Variants in TSPAN7 observed in about 807,000 individuals in gnomAD.
TSPAN7 encodes tetraspanin 7.
Under a neutral mutation model 17.6 loss-of-function variants are expected in TSPAN7, and 1 was observed. The observed-to-expected ratio is 0.06, with a 90% CI of 0.02 to 0.27. TSPAN7 has a LOEUF of 0.27. TSPAN7 is among the 10% of genes least tolerant of loss of function. TSPAN7 has a pLI of 1.00. For synonymous variants in TSPAN7, 78 were observed against 79.0 expected, an observed-to-expected ratio of 0.99 and a Z score of 0.07; for missense variants, 112 against 201.7, an observed-to-expected ratio of 0.56 and a Z score of 2.69.
intron 1 of TSPAN7, among the ~76,000 whole-genome samples, chrX:38,582,884 G>A (rs1274334292): frequency 9.0e-6 from 1 of 111,295 alleles, no homozygotes. Context: ...CAGCCTCATT[G>A]ACATCCCATG....
intron 1 of TSPAN7, among the ~76,000 whole-genome samples, chrX:38,633,198 C>T (rs192299301): frequency 4.1e-4 from 46 of 112,545 alleles, no homozygotes; most frequent in African/African-American, 1.4e-3. Flanking sequence ...CTGAAGCCAA[C>T]TCAATTTAAA....
intron 1 of TSPAN7, chrX:38,646,438 G>A (rs889763851): frequency 6.5e-6 from 4 of 615,791 alleles, no homozygotes; most frequent in Admixed American, 4.0e-5. Flanking sequence ...GAAATATTAG[G>A]AGCAGTGAAT....
intron 2 of TSPAN7, among the ~76,000 whole-genome samples, chrX:38,666,824 TCTC>T (rs2069785239): frequency 1.8e-5 from 2 of 110,544 alleles, no homozygotes; most frequent in African/African-American, 3.3e-5. Context: ...ATGGTCTTGA[TCTC>T]CTGACCTCGT....
chrX:38,650,228 C>T (rs1428694396), intron 1 of TSPAN7, among the ~76,000 whole-genome samples: 1 of 112,288 alleles, frequency 8.9e-6, no homozygotes, highest in East Asian at 2.8e-4. Flanking sequence ...CTCAGGAAGC[C>T]CCTTGCTCAA....
chrX:38,641,348 T>C (rs939882080), intron 1 of TSPAN7, among the ~76,000 whole-genome samples: 1 of 112,076 alleles, frequency 8.9e-6, no homozygotes, highest in African/African-American at 3.2e-5. Flanking sequence ...TGGGAAGGCA[T>C]GTATGTTGTT....
At chrX:38,638,526 G>A (rs976458470) in intron 1 of TSPAN7, among the ~76,000 whole-genome samples, 4 of 111,671 alleles carry the variant, frequency 3.6e-5, no homozygotes, top group Non-Finnish European at 5.6e-5. Flanking sequence ...TATGTAGATC[G>A]TGGTCAAGTC....
At chrX:38,681,095 T>C (rs1569316780) in intron 5 of TSPAN7, 109 bp from the exon 6 acceptor site, 1 of 605,933 alleles carries the variant, frequency 1.7e-6, no homozygotes, top group Non-Finnish European at 2.8e-6. Context: ...GTTGCAATTG[T>C]ATTTGCTGAA....
intron 6 of TSPAN7, among the ~76,000 whole-genome samples, chrX:38,684,578 A>G (rs1186057387): frequency 9.0e-6 from 1 of 111,274 alleles, no homozygotes; most frequent in Non-Finnish European, 1.9e-5. Context: ...GGGCATGGAC[A>G]TGTTTATTGT....
At chrX:38,602,355 T>C (rs2069351174) in intron 1 of TSPAN7, among the ~76,000 whole-genome samples, 1 of 111,242 alleles carries the variant, frequency 9.0e-6, no homozygotes, top group Non-Finnish European at 1.9e-5. Context: ...TAAATATAAA[T>C]AGACTAGTCT....
chrX:38,565,746 GAGAGA>G (rs2069139407), intron 1 of TSPAN7, among the ~76,000 whole-genome samples: 2 of 112,259 alleles, frequency 1.8e-5, no homozygotes, highest in Admixed American at 1.9e-4. Context: ...ACTTTTGAAA[GAGAGA>G]TTATTGTTTT....
intron 3 of TSPAN7, 132 bp downstream of exon 3, chrX:38,671,582 C>G (rs1007343938): frequency 1.5e-6 from 1 of 650,778 alleles, no homozygotes. Context: ...TTCCAAAGAT[C>G]ATGTCATATG....
intron 1 of TSPAN7, among the ~76,000 whole-genome samples, chrX:38,613,533 C>T (rs747995169): frequency 1.9e-4 from 21 of 111,137 alleles, no homozygotes; most frequent in South Asian, 3.8e-4. Flanking sequence ...TGGGAAATAC[C>T]TATGACAATA....
intron 1 of TSPAN7, among the ~76,000 whole-genome samples, chrX:38,651,012 C>A (rs1193729836): frequency 1.9e-5 from 2 of 106,536 alleles, no homozygotes; most frequent in African/African-American, 7.0e-5. Flanking sequence ...AAACAAAGCA[C>A]TCTTTCTAGT....
chrX:38,565,517 C>G (rs1423972568), intron 1 of TSPAN7, among the ~76,000 whole-genome samples: 1 of 112,494 alleles, frequency 8.9e-6, no homozygotes, highest in Non-Finnish European at 1.9e-5. Context: ...CGTGAGCCAC[C>G]ACACCCAGCC....
intron 1 of TSPAN7, among the ~76,000 whole-genome samples, chrX:38,577,810 TAA>T (rs763408978): frequency 4.6e-4 from 44 of 96,348 alleles, no homozygotes; most frequent in Admixed American, 3.0e-3. Context: ...ACTTAAAGTA[TAA>T]AAAAAAAAAA....
intron 1 of TSPAN7, among the ~76,000 whole-genome samples, chrX:38,663,502 G>T (rs1176766540): frequency 9.0e-6 from 1 of 111,617 alleles, no homozygotes; most frequent in African/African-American, 3.3e-5. Flanking sequence ...CACCGCTAAA[G>T]AATTTATTCA....
intron 1 of TSPAN7, among the ~76,000 whole-genome samples, chrX:38,617,830 G>C (rs759940738): frequency 1.2e-4 from 13 of 112,178 alleles, no homozygotes; most frequent in Non-Finnish European, 2.1e-4. Context: ...GATCAGATGG[G>C]TGATAGTTTT....
At chrX:38,594,866 C>T (rs768737550) in intron 1 of TSPAN7, among the ~76,000 whole-genome samples, 2 of 111,220 alleles carry the variant, frequency 1.8e-5, no homozygotes, top group African/African-American at 6.5e-5. Flanking sequence ...GAGTGGGTGG[C>T]GGTGAGGACA....
intron 1 of TSPAN7, among the ~76,000 whole-genome samples, chrX:38,643,762 G>T (rs926200826): frequency 9.1e-6 from 1 of 110,358 alleles, no homozygotes; most frequent in Non-Finnish European, 1.9e-5. Flanking sequence ...GGAGAATGGC[G>T]TGAACCCAGG....
Sources: allele counts gnomAD v4.1 joint callset (sites outside exome capture counted in the v4.1 genomes callset), GRCh38; gene constraint gnomAD v4.1.1; transcripts MANE v1.5; gene names NCBI Gene and HGNC (gene_info 2026-07-23, HGNC 2026-07-21).